CAST: variants seen among roughly 807,000 people sequenced by gnomAD.
CAST encodes the protein calpastatin, also known as MIR583 host.
CAST carries 76 observed loss-of-function variants against 119.6 expected under a neutral mutation model. The ratio of observed to expected loss-of-function variants is 0.64; its 90% CI spans 0.53 to 0.77. The LOEUF (loss-of-function observed/expected upper bound fraction) is 0.77, where lower values mean the gene tolerates loss of function less well. Ranked by LOEUF, CAST falls within the 30% of genes least tolerant of loss-of-function variation. The pLI is 0.00. For missense variants in CAST, 953 were observed against 946.5 expected (o/e 1.01, Z -0.09); for synonymous variants, 319 against 331.6 (o/e 0.96, Z 0.41).
At chr5:96,328,742 C>A in the CAST span, among the ~76,000 whole-genome samples, 1 of 152,142 alleles carries the variant, frequency 6.6e-6, no homozygotes, top group Non-Finnish European at 1.5e-5. Flanking sequence ...CATGCCATTT[C>A]CTGCTTCTTG....
the CAST span, among the ~76,000 whole-genome samples, chr5:96,384,427 A>G: frequency 2.6e-5 from 4 of 152,204 alleles, no homozygotes; most frequent in Non-Finnish European, 4.4e-5. Context: ...AATTGGAACA[A>G]TGACCACTCT....
At chr5:96,283,900 A>T in the CAST span, among the ~76,000 whole-genome samples, 1 of 152,238 alleles carries the variant, frequency 6.6e-6, no homozygotes, top group South Asian at 2.1e-4. Context: ...TGGTCTGCTC[A>T]GCATTTGCAA....
chr5:96,459,473 A>C, the CAST span, among the ~76,000 whole-genome samples: 1 of 152,178 alleles, frequency 6.6e-6, no homozygotes, highest in African/African-American at 2.4e-5. Context: ...GAGGAAAATT[A>C]ATATAGTAGT....
upstream of CAST, among the ~76,000 whole-genome samples, chr5:96,521,959 CA>C (rs1317257484): frequency 2.0e-5 from 3 of 151,900 alleles, no homozygotes; most frequent in Non-Finnish European, 4.4e-5. Flanking sequence ...ACTAAAAATA[CA>C]AAAAAATTAG....
At chr5:96,461,819 G>A in the CAST span, among the ~76,000 whole-genome samples, 1 of 152,124 alleles carries the variant, frequency 6.6e-6, no homozygotes, top group Non-Finnish European at 1.5e-5. Flanking sequence ...TATTTGAGAA[G>A]TCAGGTTTTG....
the CAST span, chr5:96,400,205 A>T: frequency 6.4e-7 from 1 of 1,559,378 alleles, no homozygotes; most frequent in Non-Finnish European, 8.8e-7. Context: ...GAAGTGACCC[A>T]AAGTGTCTTT....
the CAST span, among the ~76,000 whole-genome samples, chr5:96,469,530 A>T: frequency 6.6e-6 from 1 of 151,986 alleles, no homozygotes; most frequent in Non-Finnish European, 1.5e-5. Context: ...TGATTATTTT[A>T]TTCCTGTTGG....
upstream of CAST, among the ~76,000 whole-genome samples, chr5:96,661,801 T>A (rs1351986409): frequency 6.6e-6 from 1 of 152,238 alleles, no homozygotes; most frequent in Admixed American, 6.5e-5. Flanking sequence ...TTTATTAAAA[T>A]TCGAAACTGC....
At chr5:96,592,182 G>A (rs1210357397) in intron 1 of CAST, among the ~76,000 whole-genome samples, 1 of 151,962 alleles carries the variant, frequency 6.6e-6, no homozygotes, top group Admixed American at 6.5e-5. Context: ...GGATCATTTG[G>A]AATCAGGGGT....
intron 25 of CAST, 137 bp downstream of exon 25, chr5:96,762,509 C>T (rs758566539): frequency 2.2e-4 from 125 of 560,286 alleles, no homozygotes; most frequent in East Asian, 3.3e-4. Context: ...TCAGAAGAGC[C>T]GAGACTGATG....
chr5:96,748,447 T>C, intron 18 of CAST, 71 bp from the exon 19 acceptor site: 1 of 707,172 alleles, frequency 1.4e-6, no homozygotes, highest in Non-Finnish European at 2.4e-6. Flanking sequence ...AAAAAATTGC[T>C]CCATGAAAAC....
At chr5:96,588,355 CCATGCCCAG>C (rs1746897635) in intron 1 of CAST, among the ~76,000 whole-genome samples, 2 of 151,912 alleles carry the variant, frequency 1.3e-5, no homozygotes, top group East Asian at 3.9e-4. Flanking sequence ...GCACACGCCA[CCATGCCCAG>C]CTAATTTTTG....
chr5:96,651,522 T>C (rs914127255), intron 1 of CAST, among the ~76,000 whole-genome samples: 17 of 152,224 alleles, frequency 1.1e-4, no homozygotes, highest in Admixed American at 7.8e-4. Context: ...TCCTTTCCTT[T>C]GTAAGCTTCG....
the CAST span, among the ~76,000 whole-genome samples, chr5:96,353,582 C>A: frequency 1.3e-5 from 2 of 152,198 alleles, no homozygotes; most frequent in Non-Finnish European, 2.9e-5. Context: ...ATCATCCAGT[C>A]TGTTGAGGGC....
In CAST at chr5:96,649,326, G is replaced by A. The variant is rs538943046; in HGVS notation, c.61-26213G>A. Among the ~76,000 whole-genome samples the A allele has an allele frequency of 1.2e-3, 181 of 152,256 alleles. 1 individual carries two copies. The highest frequency in any genetic ancestry group is 4.0e-3 in the African/African-American group (166 of 41,548). On this transcript the variant is annotated intron_variant, in intron 1 of 11. Coordinates refer to the CAST transcript ENST00000505143. ...GTCTCAACACAAACATGTGTTCCTG[G>A]CATCTGTCTGACATTGCAGATGTTT...
At chr5:96,226,292 C>T in the CAST span, among the ~76,000 whole-genome samples, 41 of 152,186 alleles carry the variant, frequency 2.7e-4, no homozygotes, top group African/African-American at 9.2e-4. Flanking sequence ...ACCGTTGTAC[C>T]AATGAACAGT....
the CAST span, chr5:96,393,463 G>T: frequency 6.8e-7 from 1 of 1,475,894 alleles, no homozygotes; most frequent in Non-Finnish European, 9.4e-7. Flanking sequence ...CCACAGGAAC[G>T]CTGCCTGCCG....
chr5:95,964,433 A>C, the CAST span, among the ~76,000 whole-genome samples: 1 of 152,238 alleles, frequency 6.6e-6, no homozygotes, highest in Non-Finnish European at 1.5e-5. Context: ...AAGTCTCTAG[A>C]GGAATTTTCT....
At position 96,752,997 on chromosome 5, in the gene CAST, C is replaced by T. The variant is rs1209896360; in HGVS notation, c.1525-1063C>T. Among the ~76,000 whole-genome samples, 3 of 146,266 alleles carry T rather than the reference C, an allele frequency of 2.1e-5. No homozygotes were observed. In the South Asian group the frequency reaches 6.6e-4, roughly 32 times the overall value. ...ACACACACACACACACACACTCTTA[C>T]ATTTTTTTTTTTTTGAGGCAGAGTC... On this transcript the variant is annotated intron_variant, in intron 20 of 31. Coordinates refer to ENST00000675179, the MANE Select transcript of CAST (RefSeq NM_001750.7).
Sources: gnomAD v4.1 joint callset for allele counts (sites outside exome capture counted in the v4.1 genomes callset) on GRCh38, gnomAD v4.1.1 for gene constraint, MANE v1.5 for transcripts, NCBI Gene and HGNC (gene_info 2026-07-23, HGNC 2026-07-21) for gene names.